CHCHD6: variants seen among roughly 807,000 people sequenced by gnomAD.
The protein encoded by CHCHD6 is MICOS complex subunit MIC25.
CHCHD6 carries 28 observed loss-of-function variants against 32.3 expected under a neutral mutation model. That is an observed-to-expected ratio of 0.87 (90% confidence interval 0.64 to 1.19). The LOEUF is 1.19. Ranked by LOEUF, CHCHD6 falls within the 50% of genes most tolerant of loss-of-function variation. The probability of loss-of-function intolerance (pLI) is 0.00; values close to 1 mark genes in which losing one functional copy is unlikely to be tolerated. For synonymous variants in CHCHD6, 122 were observed against 117.5 expected, an observed-to-expected ratio of 1.04 and a Z score of -0.25; for missense variants, 333 against 307.0, an observed-to-expected ratio of 1.08 and a Z score of -0.63.
intron 5 of CHCHD6, among the ~76,000 whole-genome samples, chr3:126,906,276 T>TCCTCCAGG (rs372855181): frequency 1.1e-4 from 16 of 152,314 alleles, no homozygotes; most frequent in Non-Finnish European, 1.3e-4. Flanking sequence ...CACTGCAGCA[T>TCCTCCAGG]CCTCCAGGCC....
At chr3:126,760,586 A>G (rs183794690) in intron 4 of CHCHD6, among the ~76,000 whole-genome samples, 1 of 152,346 alleles carries the variant, frequency 6.6e-6, no homozygotes, top group African/African-American at 2.4e-5. Context: ...AAGTGGAATC[A>G]TAACAGTATT....
chr3:126,915,179 T>C (rs2078151532), intron 6 of CHCHD6, among the ~76,000 whole-genome samples: 1 of 152,200 alleles, frequency 6.6e-6, no homozygotes, highest in South Asian at 2.1e-4. Context: ...GCCTGGTACA[T>C]GCAGTGCACC....
chr3:126,845,384 T>A (rs1365052214), intron 4 of CHCHD6, among the ~76,000 whole-genome samples: 1 of 152,194 alleles, frequency 6.6e-6, no homozygotes, highest in Non-Finnish European at 1.5e-5. Context: ...TTCAAAAACA[T>A]AATCTACGTT....
chr3:126,923,683 G>A (rs956221848), intron 6 of CHCHD6, among the ~76,000 whole-genome samples: 2 of 152,194 alleles, frequency 1.3e-5, no homozygotes, highest in African/African-American at 2.4e-5. Flanking sequence ...GTGTGGCCTG[G>A]GTCGGATGAC....
chr3:126,805,736 A>G (rs897337934), intron 4 of CHCHD6, among the ~76,000 whole-genome samples: 51 of 152,234 alleles, frequency 3.4e-4, no homozygotes, highest in Admixed American at 7.8e-4. Context: ...AAGAGCCCGC[A>G]TCGCCAAGTC....
chr3:126,718,483 A>ACACTAGT (rs1326485355), intron 1 of CHCHD6, among the ~76,000 whole-genome samples: 1 of 152,214 alleles, frequency 6.6e-6, no homozygotes, highest in Admixed American at 6.5e-5. Flanking sequence ...AAGGTCACAC[A>ACACTAGT]GCTGGTATGC....
At chr3:126,874,135 C>T (rs2077511885) in intron 5 of CHCHD6, among the ~76,000 whole-genome samples, 1 of 152,198 alleles carries the variant, frequency 6.6e-6, no homozygotes, top group Non-Finnish European at 1.5e-5. Context: ...CCCAGGAACT[C>T]ATGACGCCTC....
intron 4 of CHCHD6, among the ~76,000 whole-genome samples, chr3:126,759,608 T>C (rs1346956794): frequency 6.6e-6 from 1 of 152,216 alleles, no homozygotes; most frequent in Non-Finnish European, 1.5e-5. Context: ...TTTTCTGATC[T>C]TTTCCTCATG....
At chr3:126,878,612 A>G (rs1403586105) in intron 5 of CHCHD6, among the ~76,000 whole-genome samples, 3 of 152,260 alleles carry the variant, frequency 2.0e-5, no homozygotes, top group South Asian at 4.1e-4. Flanking sequence ...TTGTCTTTAC[A>G]AAAGAATGCC....
intron 5 of CHCHD6, among the ~76,000 whole-genome samples, chr3:126,873,092 G>A (rs1414920822): frequency 6.6e-6 from 1 of 152,224 alleles, no homozygotes; most frequent in East Asian, 1.9e-4. Flanking sequence ...ACACTTGTAT[G>A]TTTCCAGTAG....
At chr3:126,918,129 G>A (rs560245616) in intron 6 of CHCHD6, among the ~76,000 whole-genome samples, 6 of 152,178 alleles carry the variant, frequency 3.9e-5, no homozygotes, top group Admixed American at 2.0e-4. Flanking sequence ...CAGTAAACAC[G>A]AAGCAGTGTA....
intron 4 of CHCHD6, among the ~76,000 whole-genome samples, chr3:126,817,297 C>G (rs1348617490): frequency 6.7e-6 from 1 of 150,028 alleles, no homozygotes; most frequent in Non-Finnish European, 1.5e-5. Flanking sequence ...TTTCTCTTTA[C>G]AATTGAGTAC....
chr3:126,748,249 G>T (rs1936584581), intron 4 of CHCHD6, among the ~76,000 whole-genome samples: 1 of 152,146 alleles, frequency 6.6e-6, no homozygotes, highest in African/African-American at 2.4e-5. Flanking sequence ...AATCACAGTG[G>T]TAGTCATAAT....
intron 6 of CHCHD6, among the ~76,000 whole-genome samples, chr3:126,956,781 G>GA (rs1312291135): frequency 6.6e-6 from 1 of 151,860 alleles, no homozygotes; most frequent in Non-Finnish European, 1.5e-5. Flanking sequence ...GAAAAAGAAA[G>GA]AAAAAAATAG....
intron 4 of CHCHD6, among the ~76,000 whole-genome samples, chr3:126,818,795 C>T (rs1940026696): frequency 6.6e-6 from 1 of 152,188 alleles, no homozygotes; most frequent in African/African-American, 2.4e-5. Flanking sequence ...TGTGAAATCT[C>T]GGTTCCTCCT....
chr3:126,802,153 G>A (rs886120946), intron 4 of CHCHD6, among the ~76,000 whole-genome samples: 1 of 152,220 alleles, frequency 6.6e-6, no homozygotes, highest in Non-Finnish European at 1.5e-5. Context: ...AAAAAGCAGA[G>A]TGCCTCTCCT....
chr3:126,864,377 C>T (rs1942150169), intron 5 of CHCHD6, among the ~76,000 whole-genome samples: 1 of 147,888 alleles, frequency 6.8e-6, no homozygotes, highest in Non-Finnish European at 1.5e-5. Flanking sequence ...CCACCTCCAC[C>T]ATCACTACTA....
At chr3:126,925,959 C>T (rs1382422559) in intron 6 of CHCHD6, among the ~76,000 whole-genome samples, 1 of 152,206 alleles carries the variant, frequency 6.6e-6, no homozygotes, top group Non-Finnish European at 1.5e-5. Context: ...GGGCTCTGTG[C>T]CAGAGAGGAT....
intron 6 of CHCHD6, among the ~76,000 whole-genome samples, chr3:126,945,909 C>T (rs924061185): frequency 1.6e-4 from 25 of 151,914 alleles, no homozygotes; most frequent in Non-Finnish European, 2.6e-4. Context: ...GACTCTAAGA[C>T]GACAGGGGGT....
Sources: gnomAD v4.1 joint callset for allele counts (sites outside exome capture counted in the v4.1 genomes callset) on GRCh38, gnomAD v4.1.1 for gene constraint, MANE v1.5 for transcripts, NCBI Gene and HGNC (gene_info 2026-07-23, HGNC 2026-07-21) for gene names.